CDCP1: variants seen among roughly 807,000 people sequenced by gnomAD.
CDCP1 encodes the protein CUB domain containing protein 1.
Under a neutral mutation model 60.2 loss-of-function variants are expected in CDCP1, and 29 were observed. The ratio of observed to expected loss-of-function variants is 0.48; its 90% CI spans 0.36 to 0.66. The LOEUF (loss-of-function observed/expected upper bound fraction) is 0.66, where lower values mean the gene tolerates loss of function less well. Among genes scored for constraint, CDCP1 ranks in the 30% least tolerant of loss-of-function variants. The pLI, the probability that CDCP1 is intolerant of heterozygous loss-of-function variation, is 0.00. For missense variants in CDCP1, 876 were observed against 1,074.3 expected (o/e 0.82, Z 2.58); for synonymous variants, 387 against 431.1 (o/e 0.90, Z 1.27).
rs114681540 is a variant in CDCP1, at chr3:45,128,181, C to T, written c.83-9560G>A. Among the ~76,000 whole-genome samples, 822 of 152,342 alleles carry T rather than the reference C, an allele frequency of 5.4e-3. 7 individuals carry two copies. The highest frequency in any genetic ancestry group is 0.018 in the African/African-American group (761 of 41,578). ...TGGGGAGTGATCAAGCACAACCTCC[C>T]ACCTGCAGTGGGCCTGAGACACAGG... On this transcript the variant is annotated intron_variant, in intron 1 of 8. Coordinates refer to ENST00000296129, the MANE Select transcript of CDCP1 (RefSeq NM_022842.5).
chr3:45,103,336 T>C (rs1232821531), intron 4 of CDCP1, among the ~76,000 whole-genome samples: 1 of 152,244 alleles, frequency 6.6e-6, no homozygotes, highest in Non-Finnish European at 1.5e-5. Context: ...TTATTATTCC[T>C]GAGTAGTACT....
At chr3:45,127,628 A>G (rs1371650253) in intron 1 of CDCP1, among the ~76,000 whole-genome samples, 1 of 152,226 alleles carries the variant, frequency 6.6e-6, no homozygotes, top group Non-Finnish European at 1.5e-5. Context: ...TTCCTAAAAG[A>G]GACCTCCACC....
At chr3:45,123,459 T>C (rs913145148) in intron 1 of CDCP1, among the ~76,000 whole-genome samples, 2 of 152,176 alleles carry the variant, frequency 1.3e-5, no homozygotes, top group African/African-American at 4.8e-5. Flanking sequence ...CAGGAGGAGA[T>C]GACTTATATT....
chr3:45,092,495 G>C (rs1349765441), intron 6 of CDCP1, among the ~76,000 whole-genome samples: 1 of 152,138 alleles, frequency 6.6e-6, no homozygotes, highest in East Asian at 1.9e-4. Flanking sequence ...TATTTGCAAA[G>C]ACTCCTCAGA....
rs117752477 is a variant in CDCP1 at position 45,110,732 on chromosome 3, G to A, written c.765C>T (p.Val255=). Residue 255 remains valine (V), a synonymous_variant, in exon 4 of 9, where the codon GTC becomes GTT. Coordinates refer to ENST00000296129, the MANE Select transcript of CDCP1 (RefSeq NM_022842.5). ...PEDELMTWQF[V]VPAHLRASVS... ...CGCTGGCCCGCAGGTGTGCAGGAAC[G>A]ACAAACTGCCACGTCATGAGCTCAT... The A allele has an allele frequency of 6.2e-4, 998 of 1,614,192 alleles. 16 individuals are homozygous for A. The East Asian group carries it at 0.022, about 35-fold the overall frequency.
At chr3:45,116,670 G>A (rs1479037939) in intron 2 of CDCP1, among the ~76,000 whole-genome samples, 1 of 152,166 alleles carries the variant, frequency 6.6e-6, no homozygotes, top group Non-Finnish European at 1.5e-5. Context: ...AGAATGGTTT[G>A]AATGTCATAG....
intron 4 of CDCP1, among the ~76,000 whole-genome samples, chr3:45,096,263 G>T (rs1251122101): frequency 6.6e-6 from 1 of 152,164 alleles, no homozygotes; most frequent in African/African-American, 2.4e-5. Context: ...GGAAACTAGA[G>T]ACCACCTTAT....
At chr3:45,098,891 CA>C (rs1698445748) in intron 4 of CDCP1, among the ~76,000 whole-genome samples, 1 of 152,042 alleles carries the variant, frequency 6.6e-6, no homozygotes, top group African/African-American at 2.4e-5. Flanking sequence ...ATTTGATACC[CA>C]AACTCTCTTC....
intron 8 of CDCP1, among the ~76,000 whole-genome samples, chr3:45,086,274 T>C (rs1284699930): frequency 6.6e-6 from 1 of 152,212 alleles, no homozygotes; most frequent in Non-Finnish European, 1.5e-5. Context: ...GTTTTCAAAG[T>C]GGAAACAGAG....
At position 45,085,840 on chromosome 3, in the gene CDCP1, C is replaced by T. The variant is rs1698181342; in HGVS notation, c.2309G>A (p.Gly770Glu). Residue 770 changes from glycine to glutamate, a missense_variant, in exon 9 of 9, where the codon GGG becomes GAG. Transcript: ENST00000296129. The surrounding 1 kb of genome is among the most constrained non-coding windows in gnomAD (Gnocchi z 4.2). The stretch of plus-strand genomic sequence containing the variant: ...GGTGGGTGGGGAGGGAGGACAGACC[C>T]CCATGGTGCCCTGGAACGGCCGGTA... ...DTYRPFQGTM[G>E]VCPPSPPTIC... The T allele has an allele frequency of 1.2e-6, 2 of 1,613,972 alleles. No homozygotes were observed. Among genetic ancestry groups the T allele is most frequent in the Admixed American group, 1.7e-5 (1 of 59,994 alleles).
chr3:45,144,645 TG>T (rs769095154), intron 1 of CDCP1, among the ~76,000 whole-genome samples: 9 of 152,204 alleles, frequency 5.9e-5, no homozygotes, highest in Non-Finnish European at 1.3e-4. Context: ...ATTAACACCC[TG>T]TTCTGACTGG....
chr3:45,131,764 G>A (rs1170022000), intron 1 of CDCP1, among the ~76,000 whole-genome samples: 2 of 152,156 alleles, frequency 1.3e-5, no homozygotes, highest in Admixed American at 6.5e-5. Context: ...AAAAGGTCAC[G>A]AAAAATAAGG....
At chr3:45,086,338 C>T (rs1171664278) in intron 8 of CDCP1, among the ~76,000 whole-genome samples, 1 of 152,210 alleles carries the variant, frequency 6.6e-6, no homozygotes, top group South Asian at 2.1e-4. Flanking sequence ...ACTATCTGTG[C>T]TCAATTCGTT....
intron 2 of CDCP1, among the ~76,000 whole-genome samples, chr3:45,114,046 T>G (rs540314940): frequency 6.6e-6 from 1 of 152,322 alleles, no homozygotes; most frequent in African/African-American, 2.4e-5. Context: ...ACAACTCACC[T>G]GCAGGCCGTT....
chr3:45,095,482 C>A lies in CDCP1; in HGVS notation c.1111G>T (p.Val371Phe). Residue 371 changes from valine (V) to phenylalanine (F), a missense_variant, in exon 5 of 9, where the codon GTC (valine) becomes TTC (phenylalanine). Physicochemically the swap from Val to Phe is conservative, Grantham distance 50. Coordinates refer to ENST00000296129, the MANE Select transcript of CDCP1 (RefSeq NM_022842.5). ...TCTAGACACACGAAACAGCCAGGGACAAACTTGCGGCTCTGTTTGACGGGC... is the reference window on the plus strand; with the variant it reads ...TCTAGACACACGAAACAGCCAGGGAAAAACTTGCGGCTCTGTTTGACGGGC... ...PRPVKQSRKF[V>F]PGCFVCLESR... 1 of 1,614,130 alleles carries A rather than the reference C, an allele frequency of 6.2e-7. No individual in the cohort carries two copies. Among genetic ancestry groups the A allele is most frequent in the Non-Finnish European group, 8.5e-7 (1 of 1,180,032 alleles).
At position 45,093,673 on chromosome 3, in the gene CDCP1, C is replaced by A; in HGVS notation, c.1247-16G>T. 6.3e-7 allele frequency: 1 copy of A among 1,594,104 alleles called. No individual in the cohort carries two copies. The highest frequency in any genetic ancestry group is 8.6e-7 in the Non-Finnish European group (1 of 1,167,764). On this transcript the variant is annotated splice_polypyrimidine_tract_variant and intron_variant, in intron 5 of 8. Transcript: ENST00000296129. Reference sequence around the variant, plus strand: ...TCTGTGCAGCCTGGAAGAAGTGGGGCATGCTAGCCATGCACAAAGGAGACC... The same window carrying A: ...TCTGTGCAGCCTGGAAGAAGTGGGGAATGCTAGCCATGCACAAAGGAGACC...
rs77571879 is a variant in CDCP1, at chr3:45,144,349, T to G, written c.82+1857A>C. Among the ~76,000 whole-genome samples, 11 of 152,278 alleles carry G rather than the reference T, an allele frequency of 7.2e-5. No individual in the cohort carries two copies. In the East Asian group the frequency reaches 1.9e-3, roughly 27 times the overall value. Reference sequence around the variant, plus strand: ...TTCTCAAAGGCCTTTGCCACTTAGATCCTCAAGACTACAGGCAACTACTCC... The same window carrying G: ...TTCTCAAAGGCCTTTGCCACTTAGAGCCTCAAGACTACAGGCAACTACTCC... On this transcript the variant is annotated intron_variant, in intron 1 of 8. Coordinates refer to ENST00000296129, the MANE Select transcript of CDCP1 (RefSeq NM_022842.5).
At chr3:45,131,581 G>A (rs565769181) in intron 1 of CDCP1, among the ~76,000 whole-genome samples, 1 of 152,232 alleles carries the variant, frequency 6.6e-6, no homozygotes, top group Non-Finnish European at 1.5e-5. Flanking sequence ...GCATAATGTA[G>A]GTGAGAATTA....
Position 45,112,117 on chromosome 3 carries a change from G to T in CDCP1, c.621C>A (p.Ser207=). 8.1e-6 allele frequency: 13 copies of T among 1,614,040 alleles called. No homozygotes were observed. The highest frequency in any genetic ancestry group is 1.1e-5 in the Non-Finnish European group (13 of 1,179,958). ...HLPWFHPRNV[S]GFSIANRSSI... ...ATGAGCGGTTTGCAATGCTGAAGCC[G>T]GAGACATTTCTGGGGTGGAACCATG... The change falls in exon 3 of 9, where the codon TCC becomes TCA. Residue 207 remains serine, a synonymous_variant. Coordinates refer to ENST00000296129, the MANE Select transcript of CDCP1 (RefSeq NM_022842.5).
Sources: allele counts gnomAD v4.1 joint callset (sites outside exome capture counted in the v4.1 genomes callset), GRCh38; gene constraint gnomAD v4.1.1; non-coding constraint Gnocchi (gnomAD v3.1); transcripts MANE v1.5; gene names NCBI Gene and HGNC (gene_info 2026-07-23, HGNC 2026-07-21).